ABCA4: variants seen among roughly 807,000 people sequenced by gnomAD.
The protein encoded by ABCA4 is ATP binding cassette subfamily A member 4, also known as retinal-specific phospholipid-transporting ATPase ABCA4.
A neutral mutation model predicts 263.7 loss-of-function variants in ABCA4; 196 were observed. That is an observed-to-expected ratio of 0.74 (90% confidence interval 0.66 to 0.84). The LOEUF is 0.84. Ranked by LOEUF, ABCA4 falls within the 40% of genes least tolerant of loss-of-function variation. ABCA4 has a pLI of 0.00. For missense variants in ABCA4, 2,792 were observed against 2,855.1 expected (o/e 0.98, Z 0.50); for synonymous variants, 1,133 against 1,094.2 (o/e 1.04, Z -0.70).
At position 94,021,624 on chromosome 1, in the gene ABCA4, T is replaced by A. The variant is rs112987083; in HGVS notation, c.4848+16A>T. On this transcript the variant is annotated intron_variant, in intron 34 of 49. Transcript: ENST00000370225. The stretch of plus-strand genomic sequence containing the variant: ...AAATTTTTAGCTCCAGAGCAGATTA[T>A]ACATAGGTCAAGTACCTTAATGTTG... The A allele has an allele frequency of 1.1e-5, 17 of 1,604,672 alleles. No homozygotes were observed. The African/African-American group carries it at 1.2e-4, about 11-fold the overall frequency.
chr1:94,084,792 C>T (rs1407482513), intron 6 of ABCA4, among the ~76,000 whole-genome samples: 3 of 152,160 alleles, frequency 2.0e-5, no homozygotes, highest in Non-Finnish European at 4.4e-5. Flanking sequence ...CTTCAAACTC[C>T]TTCGAAATAG....
At chr1:94,002,092 T>A in intron 44 of ABCA4, 100 bp from the exon 45 acceptor site, 1 of 1,570,386 alleles carries the variant, frequency 6.4e-7, no homozygotes, top group Non-Finnish European at 8.7e-7. Context: ...GCCTCCAGAA[T>A]GAAATCCCCA....
intron 1 of ABCA4, among the ~76,000 whole-genome samples, chr1:94,118,933 GA>G (rs1662874271): frequency 6.6e-6 from 1 of 152,200 alleles, no homozygotes; most frequent in Non-Finnish European, 1.5e-5. Context: ...GTTATCATGT[GA>G]CCCCCTTTGA....
intron 11 of ABCA4, among the ~76,000 whole-genome samples, chr1:94,072,430 GA>G (rs1661425503): frequency 6.6e-6 from 1 of 152,072 alleles, no homozygotes; most frequent in African/African-American, 2.4e-5. Flanking sequence ...ATTATGAAAT[GA>G]AAATACACTG....
chr1:94,015,894 A>C, intron 36 of ABCA4, 40 bp from the exon 37 acceptor site: 1 of 1,547,212 alleles, frequency 6.5e-7, no homozygotes, highest in Non-Finnish European at 8.8e-7. Context: ...TTAACCTCTC[A>C]GACCTGCTGC....
At position 93,996,174 on chromosome 1, in the gene ABCA4, G is replaced by C. The variant is rs753934929; in HGVS notation, c.6751C>G (p.Gln2251Glu). ...LDQVFVNFAK[Q>E]QTESHDLPLH... Reference sequence around the variant, plus strand: ...GGGAGGTCATGACTTTCAGTCTGCTGTTTAGCAAAATTTACAAACACCTAG... The same window carrying C: ...GGGAGGTCATGACTTTCAGTCTGCTCTTTAGCAAAATTTACAAACACCTAG... Residue 2251 changes from glutamine (Q) to glutamate (E), a missense_variant, in exon 49 of 50, where the codon CAG (glutamine) becomes GAG (glutamate). Coordinates refer to ENST00000370225, the MANE Select transcript of ABCA4 (RefSeq NM_000350.3). The C allele has an allele frequency of 1.9e-6, 3 of 1,613,968 alleles. No homozygotes were observed. The highest frequency in any genetic ancestry group is 2.2e-5 in the East Asian group (1 of 44,890).
intron 8 of ABCA4, among the ~76,000 whole-genome samples, chr1:94,079,756 C>A (rs911524954): frequency 6.6e-6 from 1 of 152,184 alleles, no homozygotes. Context: ...CTGCTAGGAA[C>A]TGAGGCCTTT....
intron 16 of ABCA4, among the ~76,000 whole-genome samples, chr1:94,053,006 A>G (rs1420840448): frequency 6.6e-6 from 1 of 152,084 alleles, no homozygotes; most frequent in Admixed American, 6.6e-5. Context: ...TCAACCTCCA[A>G]TGGGGGAGTA....
chr1:94,028,105 C>A lies in ABCA4; in HGVS notation c.4539+1340G>T, dbSNP rs910934613. Among the ~76,000 whole-genome samples, 43 of 152,286 alleles carry A rather than the reference C, an allele frequency of 2.8e-4. 1 individual carries two copies. Among genetic ancestry groups the A allele is most frequent in the African/African-American group, 9.1e-4 (38 of 41,552 alleles). On this transcript the variant is annotated intron_variant, in intron 30 of 49. Coordinates refer to ENST00000370225, the MANE Select transcript of ABCA4 (RefSeq NM_000350.3). ...ATATTATGAAATAAGCAGTTATTCC[C>A]AATTCACAGGTGATAAAATTAAGGC...
Position 94,041,292 on chromosome 1 carries a change from G to A in ABCA4, c.3439C>T (p.Leu1147=). ...RLYCSGTPLF[L]KNCFGTGLYL... is the part of the protein sequence containing the mutation. ...AAGCCTGTGCCAAAGCAGTTCTTCA[G>A]GAAGAGTGGGGTGCCTGAGCAGTAG... Residue 1147 remains leucine (L), a synonymous_variant, in exon 23 of 50, where the codon CTG becomes TTG. Transcript: ENST00000370225. 3.1e-6 allele frequency: 5 copies of A among 1,614,160 alleles called. No individual in the cohort carries two copies. Among genetic ancestry groups the A allele is most frequent in the Non-Finnish European group, 4.2e-6 (5 of 1,180,032 alleles).
At chr1:94,007,148 C>T (rs1442654606) in intron 43 of ABCA4, among the ~76,000 whole-genome samples, 1 of 152,222 alleles carries the variant, frequency 6.6e-6, no homozygotes, top group Non-Finnish European at 1.5e-5. Context: ...TATCTAGAAA[C>T]TCAACCCAGA....
intron 18 of ABCA4, among the ~76,000 whole-genome samples, chr1:94,047,815 C>G (rs1462641357): frequency 1.3e-5 from 2 of 152,224 alleles, no homozygotes; most frequent in Non-Finnish European, 2.9e-5. Context: ...CCCATGCCCC[C>G]TCCAGTGCAG....
chr1:94,014,193 G>T (rs549689061), intron 38 of ABCA4, among the ~76,000 whole-genome samples: 12 of 119,078 alleles, frequency 1.0e-4, no homozygotes, highest in Admixed American at 8.0e-4. Context: ...AAAGAAGGAA[G>T]AAAGAAGGAA....
rs1490522550 is a variant in ABCA4 at position 93,993,189 on chromosome 1, A to G, written c.*48T>C. On this transcript the variant is annotated 3_prime_UTR_variant, in exon 50 of 50. Transcript: ENST00000370225. ...TATGGGCACAGGCTCCTGCGCCTCC[A>G]GCTGCCCAGAGTTCCTTTCTGGCTG... 1 of 1,613,640 alleles carries G rather than the reference A, an allele frequency of 6.2e-7. No homozygotes were observed. Among genetic ancestry groups the G allele is most frequent in the Non-Finnish European group, 8.5e-7 (1 of 1,179,722 alleles).
intron 44 of ABCA4, among the ~76,000 whole-genome samples, chr1:94,003,623 T>A (rs1413032408): frequency 6.6e-6 from 1 of 152,166 alleles, no homozygotes; most frequent in East Asian, 1.9e-4. Flanking sequence ...TACTTTTATT[T>A]CTTTAAAATT....
At chr1:94,079,644 G>C (rs1661635847) in intron 8 of ABCA4, among the ~76,000 whole-genome samples, 183 bp from the exon 9 acceptor site, 1 of 152,210 alleles carries the variant, frequency 6.6e-6, no homozygotes, top group Non-Finnish European at 1.5e-5. Flanking sequence ...AAATGCCACA[G>C]TGACTCTCAG....
At chr1:94,095,549 A>G (rs1021971175) in intron 6 of ABCA4, among the ~76,000 whole-genome samples, 9 of 152,272 alleles carry the variant, frequency 5.9e-5, no homozygotes, top group African/African-American at 9.6e-5. Flanking sequence ...ACCAGCTGCA[A>G]TAACAGCCGC....
intron 11 of ABCA4, among the ~76,000 whole-genome samples, chr1:94,072,519 T>C (rs1253745060): frequency 2.6e-5 from 4 of 152,168 alleles, no homozygotes; most frequent in Middle Eastern, 3.2e-3. Flanking sequence ...GGGGTGTGTA[T>C]GCTTGTTTTA....
intron 18 of ABCA4, among the ~76,000 whole-genome samples, chr1:94,047,677 T>G (rs1660725292): frequency 6.6e-6 from 1 of 152,178 alleles, no homozygotes; most frequent in African/African-American, 2.4e-5. Context: ...CACCTTGGCT[T>G]GAATCTTTGA....
Sources: allele counts gnomAD v4.1 joint callset (sites outside exome capture counted in the v4.1 genomes callset), GRCh38; gene constraint gnomAD v4.1.1; transcripts MANE v1.5; gene names NCBI Gene and HGNC (gene_info 2026-07-23, HGNC 2026-07-21).